Variants in ZNF644 observed in about 807,000 individuals in gnomAD.
ZNF644 encodes zinc finger protein 644.
In ZNF644, 20 loss-of-function variants were observed where a neutral mutation model predicts 108.0. The observed-to-expected ratio is 0.19, with a 90% confidence interval of 0.13 to 0.27. ZNF644 has a LOEUF of 0.27. ZNF644 is among the 10% of genes least tolerant of loss of function. The pLI is 1.00. For synonymous variants in ZNF644, 542 were observed against 539.1 expected (o/e 1.01, Z -0.08); for missense variants, 1,338 against 1,548.9 (o/e 0.86, Z 2.29).
chr1:90,981,123 A>T (rs577097377), intron 2 of ZNF644, among the ~76,000 whole-genome samples: 19 of 152,244 alleles, frequency 1.2e-4, no homozygotes, highest in African/African-American at 4.3e-4. Flanking sequence ...AAACCCTAAT[A>T]AGACCTTCAA....
intron 4 of ZNF644, among the ~76,000 whole-genome samples, chr1:90,919,663 A>G (rs1156674192): frequency 6.6e-6 from 1 of 152,116 alleles, no homozygotes; most frequent in African/African-American, 2.4e-5. Context: ...AGAATGGGTA[A>G]TTCAAAGCTA....
chr1:90,923,014 T>A (rs559823241), intron 4 of ZNF644, among the ~76,000 whole-genome samples: 1 of 152,176 alleles, frequency 6.6e-6, no homozygotes, highest in Middle Eastern at 3.4e-3. Flanking sequence ...AACAAAAACA[T>A]GCTAGCTTGT....
intron 4 of ZNF644, among the ~76,000 whole-genome samples, chr1:90,929,289 T>C (rs892585349): frequency 4.6e-5 from 7 of 152,208 alleles, no homozygotes; most frequent in African/African-American, 1.7e-4. Flanking sequence ...TTGTATACTA[T>C]CTTGCATAGT....
chr1:90,944,462 GA>G (rs1407193029), intron 2 of ZNF644, among the ~76,000 whole-genome samples: 1 of 152,066 alleles, frequency 6.6e-6, no homozygotes, highest in Non-Finnish European at 1.5e-5. Context: ...CTTTAACAAT[GA>G]AAGTTTTCCT....
chr1:90,935,082 G>T (rs1384741618), intron 4 of ZNF644, among the ~76,000 whole-genome samples: 1 of 152,040 alleles, frequency 6.6e-6, no homozygotes, highest in Non-Finnish European at 1.5e-5. Flanking sequence ...ATAAAGAGAG[G>T]TGTTTTACTG....
intron 1 of ZNF644, among the ~76,000 whole-genome samples, chr1:91,017,155 G>GT (rs1157471268): frequency 6.6e-6 from 1 of 152,018 alleles, no homozygotes; most frequent in Non-Finnish European, 1.5e-5. Context: ...TTTAAAAGCT[G>GT]TATTTTCAAC....
chr1:91,009,901 C>T (rs1659791851), intron 1 of ZNF644, among the ~76,000 whole-genome samples: 1 of 152,120 alleles, frequency 6.6e-6, no homozygotes, highest in South Asian at 2.1e-4. Context: ...TAGCTCTGCA[C>T]TACAAACTGA....
In ZNF644 at chr1:90,939,563, G is replaced by T; in HGVS notation, c.1791C>A (p.Ala597=). The change falls in exon 3 of 6, where the codon GCC becomes GCA. Residue 597 remains alanine, a synonymous_variant. Transcript: ENST00000337393. ...ICKMCPFTTS[A]KSVLKKHTEY... The stretch of plus-strand genomic sequence containing the variant: ...CCGTGTGCTTTTTTAAAACACTTTT[G>T]GCTGAAGTAGTAAAAGGACACATCT... The T allele has an allele frequency of 6.2e-7, 1 of 1,613,896 alleles. No homozygotes were observed. Among genetic ancestry groups the T allele is most frequent in the Non-Finnish European group, 8.5e-7 (1 of 1,179,894 alleles).
rs1651596568 is a variant in ZNF644 at position 90,938,560 on chromosome 1, C to T, written c.2794G>A (p.Glu932Lys). 2 of 1,613,378 alleles carry T rather than the reference C, an allele frequency of 1.2e-6. No homozygotes were observed. The highest frequency in any genetic ancestry group is 2.7e-5 in the African/African-American group (2 of 74,848). Residue 932 changes from glutamate (E) to lysine (K), a missense_variant, in exon 3 of 6, where the codon GAG (glutamate) becomes AAG (lysine). By Grantham distance (56) the Glu-to-Lys change is moderately conservative. Transcript: ENST00000337393. This position sits in a 1 kb window ranked among gnomAD's most constrained non-coding sequence, Gnocchi z 4.2. ...TCTAAATGCTGAGGATCATGTATCT[C>T]ATGCAAAAAGTTGTTACTTCCAGTA... ...EDTGSNNFLHEIHDPQHLETA... is the reference protein window; with the variant it reads ...EDTGSNNFLHKIHDPQHLETA...
intron 2 of ZNF644, among the ~76,000 whole-genome samples, chr1:90,945,772 A>G (rs1050773325): frequency 2.6e-5 from 4 of 152,052 alleles, no homozygotes; most frequent in Non-Finnish European, 5.9e-5. Flanking sequence ...AATTAGCTTA[A>G]TTTCATTCTT....
At chr1:90,989,824 C>T (rs566377568) in intron 1 of ZNF644, among the ~76,000 whole-genome samples, 1 of 152,138 alleles carries the variant, frequency 6.6e-6, no homozygotes, top group Non-Finnish European at 1.5e-5. Context: ...GGCATATACA[C>T]AAAGAATCCA....
rs1050960158 is a variant in ZNF644 at position 90,938,487 on chromosome 1, G to C, written c.2867C>G (p.Thr956Ser). The C allele has an allele frequency of 4.3e-6, 7 of 1,613,984 alleles. No individual in the cohort carries two copies. The East Asian group carries it at 6.7e-5, about 15-fold the overall frequency. ...CGATTTCTTCTCAAGAGACAAATCA[G>C]TCCAATGAAAAACAGAACTATGCTT... is the stretch of plus-strand genomic sequence containing the variant. ...LSKHSSVFHW[T>S]DLSLEKKSCP... Residue 956 changes from threonine to serine, a missense_variant, in exon 3 of 6, where the codon ACT (threonine) becomes AGT (serine). Transcript: ENST00000337393. The surrounding 1 kb of genome is among the most constrained non-coding windows in gnomAD (Gnocchi z 4.2).
At chr1:90,929,646 A>G (rs1650491151) in intron 4 of ZNF644, among the ~76,000 whole-genome samples, 1 of 152,168 alleles carries the variant, frequency 6.6e-6, no homozygotes, top group Non-Finnish European at 1.5e-5. Context: ...TATTTTTTCT[A>G]TCACATCAGA....
Position 90,994,648 on chromosome 1 carries a change from T to C in ZNF644, c.-17-12278A>G, listed in dbSNP as rs533250778. ...ATCTGTTGCCTTTCAACAGAGTGCA[T>C]TCCCCAACTATGCAGTGTAGGCAGC... On this transcript the variant is annotated intron_variant, in intron 1 of 5. Transcript: ENST00000337393. Among the ~76,000 whole-genome samples the C allele has an allele frequency of 5.3e-5, 8 of 152,340 alleles. No homozygotes were observed. The East Asian group carries it at 1.5e-3, about 29-fold the overall frequency.
chr1:90,940,038 A>C lies in ZNF644; in HGVS notation c.1316T>G (p.Phe439Cys). Reference protein sequence around the residue: ...MMYHLDGNSHFRHLNVPRPYA... With the variant: ...MMYHLDGNSHCRHLNVPRPYA... The stretch of plus-strand genomic sequence containing the variant: ...TGGCCTTGGGACATTAAGATGGCGA[A>C]AGTGACTATTCCCATCTAAATGATA... Residue 439 changes from phenylalanine to cysteine, a missense_variant, in exon 3 of 6, where the codon TTT (phenylalanine) becomes TGT (cysteine). This residue lies in a region of ZNF644 where 80 missense variants were observed against 183.0 expected (regional missense o/e 0.44). Coordinates refer to ENST00000337393, the MANE Select transcript of ZNF644 (RefSeq NM_201269.3). The C allele has an allele frequency of 6.2e-7, 1 of 1,614,102 alleles. No individual in the cohort carries two copies. The highest frequency in any genetic ancestry group is 8.5e-7 in the Non-Finnish European group (1 of 1,179,970).
chr1:90,982,486 G>C, intron 1 of ZNF644, 116 bp from the exon 2 acceptor site: 1 of 699,534 alleles, frequency 1.4e-6, no homozygotes, highest in Non-Finnish European at 2.4e-6. Flanking sequence ...TATATTTCTT[G>C]ATATAACATA....
intron 2 of ZNF644, among the ~76,000 whole-genome samples, chr1:90,966,664 C>T (rs933655965): frequency 2.0e-5 from 3 of 148,920 alleles, no homozygotes; most frequent in Middle Eastern, 3.3e-3. Context: ...GCAGGAGAAT[C>T]GCTTGAACCC....
intron 1 of ZNF644, among the ~76,000 whole-genome samples, chr1:91,007,225 G>GTTTTTTTTTTTT (rs35761791): frequency 1.1e-4 from 6 of 55,998 alleles, no homozygotes; most frequent in African/African-American, 1.5e-4. Context: ...CTCCCATTTT[G>GTTTTTTTTTTTT]TTTTTTTTTT....
intron 1 of ZNF644, among the ~76,000 whole-genome samples, chr1:90,987,631 A>C (rs1434102943): frequency 2.6e-5 from 4 of 152,040 alleles, no homozygotes; most frequent in African/African-American, 9.6e-5. Flanking sequence ...AATCTTCCTC[A>C]AACTCATAAA....
Sources: gnomAD v4.1 joint callset for allele counts (sites outside exome capture counted in the v4.1 genomes callset) on GRCh38, gnomAD v4.1.1 for gene constraint, gnomAD v4.1.1 regional missense constraint, Gnocchi (gnomAD v3.1) non-coding constraint, MANE v1.5 for transcripts, NCBI Gene and HGNC (gene_info 2026-07-23, HGNC 2026-07-21) for gene names.